Variants in HUNK observed in about 807,000 individuals in gnomAD.
The protein encoded by HUNK is hormonally up-regulated neu tumor-associated kinase.
In HUNK, 21 loss-of-function variants were observed where a neutral mutation model predicts 61.0. That is an observed-to-expected ratio of 0.34 (90% confidence interval 0.24 to 0.50). HUNK has a LOEUF of 0.50. HUNK is among the 20% of genes least tolerant of loss of function. HUNK has a pLI of 0.98. For synonymous variants in HUNK, 371 were observed against 386.1 expected (o/e 0.96, Z 0.46); for missense variants, 772 against 945.7 (o/e 0.82, Z 2.41).
At chr21:31,942,809 A>G (rs1267971286) in intron 3 of HUNK, among the ~76,000 whole-genome samples, 4 of 152,186 alleles carry the variant, frequency 2.6e-5, no homozygotes, top group African/African-American at 9.7e-5. Flanking sequence ...AAAGATGCCA[A>G]TTTGGTTGCC....
chr21:31,984,979 G>A (rs752373691), intron 8 of HUNK, among the ~76,000 whole-genome samples: 3 of 152,178 alleles, frequency 2.0e-5, no homozygotes, highest in South Asian at 4.1e-4. Flanking sequence ...GCAAAGTCAC[G>A]TCTTACATGG....
chr21:31,943,047 T>G (rs2052779619), intron 3 of HUNK, among the ~76,000 whole-genome samples: 1 of 152,202 alleles, frequency 6.6e-6, no homozygotes, highest in South Asian at 2.1e-4. Flanking sequence ...TTTTGTAAGT[T>G]GAAAGCTCTT....
At chr21:31,970,226 G>T (rs1263485469) in intron 6 of HUNK, among the ~76,000 whole-genome samples, 1 of 152,204 alleles carries the variant, frequency 6.6e-6, no homozygotes, top group Non-Finnish European at 1.5e-5. Flanking sequence ...GCCAGGCAGG[G>T]CTCTGCTTGG....
intron 1 of HUNK, among the ~76,000 whole-genome samples, chr21:31,901,965 A>G (rs553295337): frequency 6.6e-6 from 1 of 152,110 alleles, no homozygotes; most frequent in South Asian, 2.1e-4. Context: ...AGTCACATCC[A>G]TGCCTGACCA....
chr21:31,970,610 C>T (rs893860855), intron 6 of HUNK, among the ~76,000 whole-genome samples: 6 of 152,168 alleles, frequency 3.9e-5, no homozygotes, highest in African/African-American at 1.4e-4. Flanking sequence ...CTGGTGGCCA[C>T]ATGAGTCATT....
In HUNK at chr21:31,999,895, T is replaced by C. The variant is rs190833386; in HGVS notation, c.*711T>C. On this transcript the variant is annotated 3_prime_UTR_variant, in exon 11 of 11. Transcript: ENST00000270112. The stretch of plus-strand genomic sequence containing the variant: ...CCAAAGATTTTTTTTAAATGTGATG[T>C]CGGTAAATTGAAATAACATAATTTT... 4,557 of 340,100 alleles carry C rather than the reference T, an allele frequency of 0.013. 46 individuals are homozygous for C. The highest frequency in any genetic ancestry group is 0.018 in the Middle Eastern group (24 of 1,306). 21.1% of individuals were successfully genotyped at this position (340,100 alleles called of 1,614,324 possible).
At chr21:31,891,037 C>G (rs1007410992) in intron 1 of HUNK, among the ~76,000 whole-genome samples, 4 of 151,846 alleles carry the variant, frequency 2.6e-5, no homozygotes, top group African/African-American at 9.7e-5. Flanking sequence ...ATTTGAGAAC[C>G]GAGCACCCCC....
rs75574734 is a variant in HUNK at position 31,913,376 on chromosome 21, C to T, written c.262-11092C>T. Among the ~76,000 whole-genome samples, 188 of 151,476 alleles carry T rather than the reference C, an allele frequency of 1.2e-3. 1 individual carries two copies. Among genetic ancestry groups the T allele is most frequent in the African/African-American group, 4.3e-3 (179 of 41,206 alleles). On this transcript the variant is annotated intron_variant, in intron 1 of 10. Coordinates refer to ENST00000270112, the MANE Select transcript of HUNK (RefSeq NM_014586.2). ...ATTAGCAGGGAGGCCCAACTCTGCC[C>T]GAGGGATGATGGTGGGGCTGCAGCA...
At position 31,892,158 on chromosome 21, in the gene HUNK, A is replaced by ATAT. The variant is rs1363557506; in HGVS notation, c.261+18223_261+18224insTAT. On this transcript the variant is annotated intron_variant, in intron 1 of 10. Transcript: ENST00000270112. The stretch of plus-strand genomic sequence containing the variant: ...CAATGAGAATTTGGTTAAAAAAAAA[A>ATAT]AAAAATATATATATATATATATAGA... Among the ~76,000 whole-genome samples, 753 of 111,764 alleles carry ATAT rather than the reference A, an allele frequency of 6.7e-3. 6 individuals carry two copies. Among genetic ancestry groups the ATAT allele is most frequent in the African/African-American group, 0.02 (573 of 29,210 alleles). The allele number at this position is 111,764 out of a possible 152,430, so 73.3% of individuals were successfully genotyped here.
chr21:31,900,411 G>A (rs2052456455), intron 1 of HUNK, among the ~76,000 whole-genome samples: 1 of 149,350 alleles, frequency 6.7e-6, no homozygotes, highest in Non-Finnish European at 1.5e-5. Flanking sequence ...CAGGTTGCAG[G>A]ATTATTTAGG....
rs75329558 is a variant in HUNK at position 31,882,427 on chromosome 21, G to A, written c.261+8492G>A. ...GGCTCTTCAGTTCCTGGATCTTCTCGTGAGAGGTCACTCCTCCTTCTAGTC... is the reference window on the plus strand; with the variant it reads ...GGCTCTTCAGTTCCTGGATCTTCTCATGAGAGGTCACTCCTCCTTCTAGTC... On this transcript the variant is annotated intron_variant, in intron 1 of 10. Transcript: ENST00000270112. 3.8e-3 allele frequency among the ~76,000 whole-genome samples: 579 copies of A among 152,312 alleles called. 4 individuals are homozygous for A. Among genetic ancestry groups the A allele is most frequent in the East Asian group, 0.016 (82 of 5,180 alleles).
chr21:31,968,215 T>C (rs769039549), intron 5 of HUNK, 35 bp from the exon 6 acceptor site: 1 of 1,613,728 alleles, frequency 6.2e-7, no homozygotes, highest in Non-Finnish European at 8.5e-7. Flanking sequence ...GTTCAGCCTG[T>C]AACATGCGTG....
intron 1 of HUNK, among the ~76,000 whole-genome samples, chr21:31,918,901 C>A (rs573813179): frequency 6.6e-6 from 1 of 152,124 alleles, no homozygotes; most frequent in Non-Finnish European, 1.5e-5. Context: ...GCCTGCTTCA[C>A]GGAAGGCCTT....
intron 2 of HUNK, among the ~76,000 whole-genome samples, chr21:31,926,689 TA>T (rs1381760108): frequency 2.0e-5 from 3 of 152,178 alleles, no homozygotes; most frequent in African/African-American, 7.2e-5. Context: ...CCTTCCTTTT[TA>T]TGACTGCATA....
chr21:31,965,291 C>T (rs2052955941), intron 5 of HUNK, among the ~76,000 whole-genome samples: 1 of 150,696 alleles, frequency 6.6e-6, no homozygotes, highest in African/African-American at 2.4e-5. Context: ...ACACTGGGGC[C>T]CACTTGAGGG....
chr21:31,986,692 G>C (rs561221011), intron 8 of HUNK, among the ~76,000 whole-genome samples: 282 of 152,136 alleles, frequency 1.9e-3, no homozygotes, highest in Non-Finnish European at 3.2e-3. Flanking sequence ...CACAGCCTTC[G>C]GGCTTGCTGT....
intron 6 of HUNK, among the ~76,000 whole-genome samples, chr21:31,968,821 G>T (rs1369713035): frequency 6.8e-6 from 1 of 147,898 alleles, no homozygotes; most frequent in African/African-American, 2.5e-5. Flanking sequence ...GTCTGTGTGT[G>T]TGTATGTGTT....
rs116282443 is a variant in HUNK, at chr21:31,894,137, T to G, written c.261+20202T>G. Reference sequence around the variant, plus strand: ...TTGCCTGTGGGACAGGAATGCTTCTTGAATTAGAGCTAATTTTGGAGTTTA... The same window carrying G: ...TTGCCTGTGGGACAGGAATGCTTCTGGAATTAGAGCTAATTTTGGAGTTTA... On this transcript the variant is annotated intron_variant, in intron 1 of 10. Coordinates refer to ENST00000270112, the MANE Select transcript of HUNK (RefSeq NM_014586.2). Among the ~76,000 whole-genome samples the G allele has an allele frequency of 1.0e-3, 154 of 152,352 alleles. 1 individual carries two copies. The highest frequency in any genetic ancestry group is 3.7e-3 in the African/African-American group (153 of 41,582).
intron 1 of HUNK, among the ~76,000 whole-genome samples, chr21:31,911,356 A>T (rs745604498): frequency 6.6e-6 from 1 of 152,158 alleles, no homozygotes; most frequent in Non-Finnish European, 1.5e-5. Context: ...TGATGTGGTT[A>T]TAAGTGGGTG....
Sources: gnomAD v4.1 joint callset for allele counts (sites outside exome capture counted in the v4.1 genomes callset) on GRCh38, gnomAD v4.1.1 for gene constraint, MANE v1.5 for transcripts, NCBI Gene and HGNC (gene_info 2026-07-23, HGNC 2026-07-21) for gene names.